The following RANBP17 variants were observed in gnomAD, a reference collection of about 807,000 sequenced individuals.
The protein encoded by RANBP17 is ran-binding protein 17.
In RANBP17, 158 loss-of-function variants were observed where a neutral mutation model predicts 141.2. The ratio of observed to expected loss-of-function variants is 1.12; its 90% confidence interval spans 0.98 to 1.28. The LOEUF is 1.28. RANBP17 is among the 50% of genes most tolerant of loss of function. The pLI is 0.00. For missense variants in RANBP17, 1,438 were observed against 1,290.7 expected, an observed-to-expected ratio of 1.11 and a Z score of -1.75; for synonymous variants, 430 against 450.0, an observed-to-expected ratio of 0.96 and a Z score of 0.56.
chr5:170,907,885 T>C (rs1347704480), intron 5 of RANBP17, among the ~76,000 whole-genome samples: 1 of 151,822 alleles, frequency 6.6e-6, no homozygotes, highest in Non-Finnish European at 1.5e-5. Flanking sequence ...AACAGACACT[T>C]CTCAAAAGAA....
At chr5:170,954,889 G>C (rs1775491447) in intron 13 of RANBP17, among the ~76,000 whole-genome samples, 1 of 152,122 alleles carries the variant, frequency 6.6e-6, no homozygotes, top group South Asian at 2.1e-4. Context: ...CCCTGTACTG[G>C]TCCACAGCCT....
intron 14 of RANBP17, among the ~76,000 whole-genome samples, chr5:171,043,406 T>C (rs1782378164): frequency 6.6e-6 from 1 of 152,048 alleles, no homozygotes; most frequent in Non-Finnish European, 1.5e-5. Flanking sequence ...TCTTACTCTC[T>C]CTGTGGTGCC....
chr5:171,236,171 C>T (rs553080430), intron 22 of RANBP17, among the ~76,000 whole-genome samples: 2 of 152,260 alleles, frequency 1.3e-5, no homozygotes, highest in South Asian at 2.1e-4. Flanking sequence ...CAGTTCTCTT[C>T]GCATAACTGC....
intron 14 of RANBP17, among the ~76,000 whole-genome samples, chr5:171,155,088 A>AT: frequency 1.8e-5 from 2 of 109,082 alleles, no homozygotes; most frequent in African/African-American, 7.4e-5. Flanking sequence ...GAAAAAAAAA[A>AT]AAAAAAATAT....
intron 12 of RANBP17, among the ~76,000 whole-genome samples, chr5:170,947,776 T>C (rs1774879832): frequency 6.6e-6 from 1 of 152,100 alleles, no homozygotes; most frequent in African/African-American, 2.4e-5. Context: ...AGTTCGGGCC[T>C]CCTAATAGTA....
intron 22 of RANBP17, among the ~76,000 whole-genome samples, chr5:171,232,243 A>G (rs952727071): frequency 6.6e-6 from 1 of 152,198 alleles, no homozygotes; most frequent in Non-Finnish European, 1.5e-5. Context: ...CAAAAAAGGT[A>G]GTGAATCATA....
chr5:170,983,199 T>C (rs962804316), intron 14 of RANBP17: 2 of 432,840 alleles, frequency 4.6e-6, no homozygotes, highest in African/African-American at 4.0e-5. Flanking sequence ...ATAACAGCTG[T>C]GCCTCAGGCC....
intron 18 of RANBP17, among the ~76,000 whole-genome samples, chr5:171,198,188 CA>C (rs1762086010): frequency 6.6e-6 from 1 of 152,206 alleles, no homozygotes; most frequent in Non-Finnish European, 1.5e-5. Flanking sequence ...ATGTTATCAC[CA>C]GTTAACAGAG....
intron 14 of RANBP17, among the ~76,000 whole-genome samples, chr5:171,006,999 G>T (rs1310901224): frequency 6.6e-6 from 1 of 152,098 alleles, no homozygotes. Flanking sequence ...GGATCTTCTC[G>T]GGGAACTGCT....
chr5:171,287,750 G>A (rs1296894539), intron 25 of RANBP17, among the ~76,000 whole-genome samples: 1 of 151,378 alleles, frequency 6.6e-6, no homozygotes, highest in African/African-American at 2.4e-5. Context: ...TTTTTGAGAT[G>A]GAGTCTCACT....
At chr5:170,939,289 G>A (rs1034938026) in intron 12 of RANBP17, among the ~76,000 whole-genome samples, 2 of 151,964 alleles carry the variant, frequency 1.3e-5, no homozygotes, top group African/African-American at 2.4e-5. Flanking sequence ...GGTTATTTTC[G>A]AGGAAGAAGG....
At chr5:170,911,322 A>G (rs1343065902) in intron 7 of RANBP17, 188 bp downstream of exon 7, 6 of 599,424 alleles carry the variant, frequency 1.0e-5, no homozygotes, top group East Asian at 2.8e-5. Context: ...AGTAACTTCT[A>G]TATTTTGATT....
At chr5:171,273,132 A>G (rs1767233844) in intron 25 of RANBP17, among the ~76,000 whole-genome samples, 2 of 152,236 alleles carry the variant, frequency 1.3e-5, no homozygotes, top group African/African-American at 2.4e-5. Context: ...AAATGATGAT[A>G]GGGAAGCACC....
intron 14 of RANBP17, among the ~76,000 whole-genome samples, chr5:171,025,974 A>G (rs1181335637): frequency 6.6e-6 from 1 of 152,218 alleles, no homozygotes; most frequent in Non-Finnish European, 1.5e-5. Context: ...ACAAAACTGT[A>G]AACTCCATAA....
intron 22 of RANBP17, among the ~76,000 whole-genome samples, chr5:171,224,047 T>A (rs1269557629): frequency 6.6e-6 from 1 of 152,194 alleles, no homozygotes; most frequent in East Asian, 1.9e-4. Context: ...GGAGGTAACA[T>A]GGAAGAGTTA....
intron 14 of RANBP17, among the ~76,000 whole-genome samples, chr5:170,978,759 A>C (rs1296276970): frequency 6.6e-6 from 1 of 151,680 alleles, no homozygotes; most frequent in Non-Finnish European, 1.5e-5. Flanking sequence ...GGGACCTTGA[A>C]ATGTTTTATT....
Position 171,238,355 on chromosome 5 carries a change from A to G in RANBP17, c.2423-2573A>G, listed in dbSNP as rs1764668849. 2.7e-5 allele frequency among the ~76,000 whole-genome samples: 4 copies of G among 147,226 alleles called. No homozygotes were observed. In the South Asian group the frequency reaches 9.2e-4, roughly 34 times the overall value. On this transcript the variant is annotated intron_variant, in intron 22 of 27. Transcript: ENST00000523189. ...CAGGACATATATGCCAAATTGCAAT[A>G]TTAACATAGAGATAACAGTTATGAT...
In RANBP17 at chr5:171,028,897, CT is replaced by C. The variant is rs763044266; in HGVS notation, c.1710+60522del. ...AAGACAGACATCTTCCTGTGAAGGG[CT>C]TGTGGCAAACCTATCCAACTCGGGT... On this transcript the variant is annotated intron_variant, in intron 14 of 27. Transcript: ENST00000523189. 2.5e-4 allele frequency: 324 copies of C among 1,288,114 alleles called. 1 individual carries two copies. Among genetic ancestry groups the C allele is most frequent in the South Asian group, 2.3e-3 (190 of 80,924 alleles). The allele number at this position is 1,288,114 out of a possible 1,614,324, so 79.8% of individuals were successfully genotyped here.
At chr5:171,207,801 G>A (rs1394362168) in intron 20 of RANBP17, 2 of 152,148 alleles carry the variant, frequency 1.3e-5, no homozygotes, top group African/African-American at 2.4e-5. Flanking sequence ...TCCTTTGGGC[G>A]AGGGATGAAG....
Sources: allele counts gnomAD v4.1 joint callset (sites outside exome capture counted in the v4.1 genomes callset), GRCh38; gene constraint gnomAD v4.1.1; transcripts MANE v1.5; gene names NCBI Gene and HGNC (gene_info 2026-07-23, HGNC 2026-07-21).